Variants in RBFOX3 observed in about 807,000 individuals in gnomAD.
RBFOX3 encodes RNA binding protein fox-1 homolog 3.
In RBFOX3, 17 loss-of-function variants were observed where a neutral mutation model predicts 48.7. The ratio of observed to expected loss-of-function variants is 0.35; its 90% CI spans 0.24 to 0.52. RBFOX3 has a LOEUF of 0.52. RBFOX3 is among the 20% of genes least tolerant of loss of function. RBFOX3 has a pLI of 0.94. For missense variants in RBFOX3, 382 were observed against 497.5 expected, an observed-to-expected ratio of 0.77 and a Z score of 2.21; for synonymous variants, 212 against 209.5, an observed-to-expected ratio of 1.01 and a Z score of -0.10.
the RBFOX3 span, among the ~76,000 whole-genome samples, chr17:79,623,073 C>G: frequency 6.6e-6 from 1 of 152,292 alleles, no homozygotes; most frequent in South Asian, 2.1e-4. Context: ...GAAACGTGCC[C>G]CAGCCCTGTT....
intron 4 of RBFOX3, among the ~76,000 whole-genome samples, chr17:79,225,291 C>CTTT (rs58461275): frequency 2.6e-4 from 33 of 128,116 alleles, no homozygotes; most frequent in African/African-American, 9.4e-4. Context: ...TCCCTCCATT[C>CTTT]TTTTTTTTTT....
At chr17:79,574,821 G>T (rs928433386) in intron 1 of RBFOX3, among the ~76,000 whole-genome samples, 274 of 152,348 alleles carry the variant, frequency 1.8e-3, no homozygotes, top group African/African-American at 6.4e-3. Context: ...ACAGGCCAGG[G>T]TCCAGCCTCC....
At chr17:79,385,493 G>T (rs557421133) in intron 2 of RBFOX3, among the ~76,000 whole-genome samples, 9 of 152,102 alleles carry the variant, frequency 5.9e-5, no homozygotes, top group African/African-American at 1.9e-4. Context: ...AGGCAGGAGG[G>T]GCTGTGCCTG....
At chr17:79,413,480 A>G (rs1053736027) in intron 2 of RBFOX3, among the ~76,000 whole-genome samples, 1 of 152,260 alleles carries the variant, frequency 6.6e-6, no homozygotes, top group Non-Finnish European at 1.5e-5. Flanking sequence ...AACAGCAGGG[A>G]ATCCCTGGAG....
intron 4 of RBFOX3, among the ~76,000 whole-genome samples, chr17:79,218,813 T>G (rs1186247377): frequency 6.6e-6 from 1 of 152,162 alleles, no homozygotes; most frequent in African/African-American, 2.4e-5. Context: ...ACCAAAGGCC[T>G]CGGTGCAGAC....
intron 4 of RBFOX3, among the ~76,000 whole-genome samples, chr17:79,206,395 TAC>T (rs1372045817): frequency 6.6e-6 from 1 of 152,172 alleles, no homozygotes; most frequent in Non-Finnish European, 1.5e-5. Context: ...GTGCCCGACG[TAC>T]ACTGTGGCGG....
chr17:79,257,512 G>A (rs1195017851), intron 3 of RBFOX3, among the ~76,000 whole-genome samples: 1 of 152,244 alleles, frequency 6.6e-6, no homozygotes, highest in Non-Finnish European at 1.5e-5. Flanking sequence ...CCTACCAGGG[G>A]TTTGGCCAAA....
rs541079497 is a variant in RBFOX3 at position 79,303,931 on chromosome 17, A to G, written c.-74+3793T>C. Among the ~76,000 whole-genome samples, 151 of 152,052 alleles carry G rather than the reference A, an allele frequency of 9.9e-4. 1 individual carries two copies. The South Asian group carries it at 0.014, about 14-fold the overall frequency. On this transcript the variant is annotated intron_variant, in intron 3 of 14. Coordinates refer to ENST00000693108, the MANE Select transcript of RBFOX3 (RefSeq NM_001350451.2). ...TCTGGAGGACCTGGGAAAGACCTCC[A>G]TGAGGGAAGGAACATGAAGCCAGAT...
intron 4 of RBFOX3, among the ~76,000 whole-genome samples, chr17:79,200,228 A>G (rs1237033854): frequency 6.6e-6 from 1 of 151,364 alleles, no homozygotes; most frequent in Non-Finnish European, 1.5e-5. Context: ...AGGCCCAGTG[A>G]GATGACAGAT....
At chr17:79,332,729 G>A (rs1351390298) in intron 2 of RBFOX3, among the ~76,000 whole-genome samples, 1 of 119,950 alleles carries the variant, frequency 8.3e-6, no homozygotes, top group Non-Finnish European at 1.8e-5. Context: ...GAGCCTGAGA[G>A]ACAAAGAGAG....
At chr17:79,336,295 G>A (rs180992192) in intron 2 of RBFOX3, among the ~76,000 whole-genome samples, 2 of 152,206 alleles carry the variant, frequency 1.3e-5, no homozygotes, top group African/African-American at 4.8e-5. Flanking sequence ...GCTGAGGCAG[G>A]AGAATCACTT....
At position 79,199,193 on chromosome 17, in the gene RBFOX3, G is replaced by A. The variant is rs1017121726; in HGVS notation, c.-34+36573C>T. On this transcript the variant is annotated intron_variant, in intron 4 of 14. Coordinates refer to ENST00000693108, the MANE Select transcript of RBFOX3 (RefSeq NM_001350451.2). This position sits in a 1 kb window ranked among gnomAD's most constrained non-coding sequence, Gnocchi z 5.1. ...GGGATGGGAAGGCAGACTCTGGCTG[G>A]CTCACTCTGCCTTCTGAGAATGTAA... Among the ~76,000 whole-genome samples the A allele has an allele frequency of 6.6e-6, 1 of 152,124 alleles. No individual in the cohort carries two copies. The highest frequency in any genetic ancestry group is 2.4e-5 in the African/African-American group (1 of 41,408).
At position 79,214,066 on chromosome 17, in the gene RBFOX3, C is replaced by A. The variant is rs182667651; in HGVS notation, c.-34+21700G>T. 2.0e-5 allele frequency among the ~76,000 whole-genome samples: 3 copies of A among 152,160 alleles called. No individual in the cohort carries two copies. Among genetic ancestry groups the A allele is most frequent in the African/African-American group, 2.4e-5 (1 of 41,438 alleles). On this transcript the variant is annotated intron_variant, in intron 4 of 14. Transcript: ENST00000693108. The surrounding 1 kb of genome is among the most constrained non-coding windows in gnomAD (Gnocchi z 4.7). ...GGCCCGGTGAACTACAGCCAACCCT[C>A]GCATGGCGCCGCCCAGCTCTGGTAG...
In RBFOX3 at chr17:79,418,008, G is replaced by A. The variant is rs1420579523; in HGVS notation, c.-175+64446C>T. Among the ~76,000 whole-genome samples the A allele has an allele frequency of 1.3e-5, 2 of 152,194 alleles. No individual in the cohort carries two copies. On this transcript the variant is annotated intron_variant, in intron 2 of 14. Transcript: ENST00000693108. This position sits in a 1 kb window ranked among gnomAD's most constrained non-coding sequence, Gnocchi z 5.0. ...TGAGTCCACTCATGTGAGGTCCTTAGAGTCATCAGATTCAGAGACAGAAAG... is the reference window on the plus strand; with the variant it reads ...TGAGTCCACTCATGTGAGGTCCTTAAAGTCATCAGATTCAGAGACAGAAAG...
chr17:79,220,456 C>T lies in RBFOX3; in HGVS notation c.-34+15310G>A, dbSNP rs181699439. Among the ~76,000 whole-genome samples, 86 of 152,258 alleles carry T rather than the reference C, an allele frequency of 5.6e-4. No homozygotes were observed. Among genetic ancestry groups the T allele is most frequent in the Middle Eastern group, 3.4e-3 (1 of 294 alleles). ...TTTATTTCCCCAGGTTGCTCAGCTC[C>T]GTGCCTGCTCTCCGCTCGCCCATCG... On this transcript the variant is annotated intron_variant, in intron 4 of 14. Transcript: ENST00000693108. This position sits in a 1 kb window ranked among gnomAD's most constrained non-coding sequence, Gnocchi z 5.9.
rs2149447516 is a variant in RBFOX3, at chr17:79,477,642, T to C, written c.-175+4812A>G. Reference sequence around the variant, plus strand: ...GGCCCCAGGTCCTTGTCTCATGTCCTCTTTCTCACAGGGACATCCTCAGAG... The same window carrying C: ...GGCCCCAGGTCCTTGTCTCATGTCCCCTTTCTCACAGGGACATCCTCAGAG... On this transcript the variant is annotated intron_variant, in intron 2 of 14. Coordinates refer to ENST00000693108, the MANE Select transcript of RBFOX3 (RefSeq NM_001350451.2). This position sits in a 1 kb window ranked among gnomAD's most constrained non-coding sequence, Gnocchi z 4.8. Among the ~76,000 whole-genome samples the C allele has an allele frequency of 6.6e-6, 1 of 152,192 alleles. No homozygotes were observed. The highest frequency in any genetic ancestry group is 1.5e-5 in the Non-Finnish European group (1 of 68,004).
rs2058451680 is a variant in RBFOX3 at position 79,212,048 on chromosome 17, C to T, written c.-34+23718G>A. Among the ~76,000 whole-genome samples, 1 of 152,304 alleles carries T rather than the reference C, an allele frequency of 6.6e-6. No individual in the cohort carries two copies. Among genetic ancestry groups the T allele is most frequent in the Middle Eastern group, 3.4e-3 (1 of 294 alleles). On this transcript the variant is annotated intron_variant, in intron 4 of 14. Coordinates refer to ENST00000693108, the MANE Select transcript of RBFOX3 (RefSeq NM_001350451.2). This position sits in a 1 kb window ranked among gnomAD's most constrained non-coding sequence, Gnocchi z 4.7. Reference sequence around the variant, plus strand: ...GTCTCCTGGGGTCTTGGAAGACAACCAGCCAGCACCCTCCCTCCTGGAGTC... The same window carrying T: ...GTCTCCTGGGGTCTTGGAAGACAACTAGCCAGCACCCTCCCTCCTGGAGTC...
At chr17:79,106,168 C>T (rs575750941) in intron 6 of RBFOX3, among the ~76,000 whole-genome samples, 5 of 152,186 alleles carry the variant, frequency 3.3e-5, no homozygotes, top group East Asian at 1.9e-4. Context: ...GTTGACTGCC[C>T]GGCCCCCGGG....
chr17:79,134,069 G>A (rs763607800), intron 4 of RBFOX3, among the ~76,000 whole-genome samples: 4 of 152,206 alleles, frequency 2.6e-5, no homozygotes, highest in Non-Finnish European at 5.9e-5. Flanking sequence ...AGGAGGGGGT[G>A]GAGACGGCGG....
Sources: gnomAD v4.1 joint callset for allele counts (sites outside exome capture counted in the v4.1 genomes callset) on GRCh38, gnomAD v4.1.1 for gene constraint, Gnocchi (gnomAD v3.1) non-coding constraint, MANE v1.5 for transcripts, NCBI Gene and HGNC (gene_info 2026-07-23, HGNC 2026-07-21) for gene names.